Variants in STX6 observed in about 807,000 individuals in gnomAD.
STX6 encodes syntaxin-6.
In STX6, 23 loss-of-function variants were observed where a neutral mutation model predicts 38.0. That is an observed-to-expected ratio of 0.60 (90% CI 0.43 to 0.86). STX6 has a LOEUF of 0.86. STX6 is among the 40% of genes least tolerant of loss of function. The pLI, the probability that STX6 is intolerant of heterozygous loss-of-function variation, is 0.00. For synonymous variants in STX6, 123 were observed against 107.5 expected, an observed-to-expected ratio of 1.14 and a Z score of -0.89; for missense variants, 274 against 312.9, an observed-to-expected ratio of 0.88 and a Z score of 0.94.
Position 181,008,090 on chromosome 1 carries a change from T to C in STX6, c.36-2627A>G, listed in dbSNP as rs569362076. ...GACAATTGTGGATGTACTTTTTTGATAGTATACCAAAACTTGACAACTGGC... is the reference window on the plus strand; with the variant it reads ...GACAATTGTGGATGTACTTTTTTGACAGTATACCAAAACTTGACAACTGGC... On this transcript the variant is annotated intron_variant, in intron 1 of 7. Coordinates refer to ENST00000258301, the MANE Select transcript of STX6 (RefSeq NM_005819.6). Among the ~76,000 whole-genome samples, 6 of 152,358 alleles carry C rather than the reference T, an allele frequency of 3.9e-5. No homozygotes were observed. In the South Asian group the frequency reaches 1.0e-3, roughly 26 times the overall value.
At chr1:180,987,370 C>T (rs1161422916) in intron 6 of STX6, among the ~76,000 whole-genome samples, 1 of 152,254 alleles carries the variant, frequency 6.6e-6, no homozygotes, top group African/African-American at 2.4e-5. Flanking sequence ...CCTCCCACTT[C>T]ACTGCCATCA....
rs749300509 is a variant in STX6 at position 181,022,668 on chromosome 1, G to A, written c.6C>T (p.Ser2=). The change falls in exon 1 of 8, where the codon TCC becomes TCT. Residue 2 remains serine (S), a synonymous_variant. Transcript: ENST00000258301. The stretch of plus-strand genomic sequence containing the variant: ...TCACCACAAAGAAGGGGTCCTCCAT[G>A]GACATGGCGTCCCGGCCCCGGCCGC... M[S]MEDPFFVVKG... 1.9e-6 allele frequency: 3 copies of A among 1,609,800 alleles called. No individual in the cohort carries two copies. Among genetic ancestry groups the A allele is most frequent in the Admixed American group, 3.4e-5 (2 of 59,646 alleles).
intron 6 of STX6, among the ~76,000 whole-genome samples, chr1:180,987,186 G>C (rs934134478): frequency 1.3e-4 from 20 of 152,078 alleles, no homozygotes; most frequent in Non-Finnish European, 1.2e-4. Context: ...CTTCACAGGT[G>C]CATTTTCTTC....
chr1:181,003,449 C>G (rs1431179916), intron 2 of STX6, among the ~76,000 whole-genome samples: 1 of 152,012 alleles, frequency 6.6e-6, no homozygotes, highest in African/African-American at 2.4e-5. Context: ...TCTCTATCTC[C>G]CCTAACTTTT....
At position 180,989,976 on chromosome 1, in the gene STX6, T is replaced by TG; in HGVS notation, c.489+7dup. The TG allele has an allele frequency of 6.2e-7, 1 of 1,613,254 alleles. No individual in the cohort carries two copies. Among genetic ancestry groups the TG allele is most frequent in the South Asian group, 1.1e-5 (1 of 91,028 alleles). On this transcript the variant is annotated splice_region_variant and intron_variant, in intron 5 of 7. Transcript: ENST00000258301. ...TGGCCCGTCCTAAGTCTGGGGTCCT[T>TG]GGGGTACCTGCTGCTGTGCCTGCTG...
At chr1:180,989,835 C>T (rs1655700319) in intron 5 of STX6, 149 bp downstream of exon 5, 1 of 965,146 alleles carries the variant, frequency 1.0e-6, no homozygotes. Context: ...AAACCCTTTA[C>T]ATATGCAATT....
chr1:180,976,506 G>T lies in STX6; in HGVS notation c.*64C>A. 2 of 1,397,846 alleles carry T rather than the reference G, an allele frequency of 1.4e-6. No homozygotes were observed. Among genetic ancestry groups the T allele is most frequent in the Non-Finnish European group, 2.0e-6 (2 of 985,448 alleles). 86.6% of individuals were successfully genotyped at this position (1,397,846 alleles called of 1,614,324 possible). Reference sequence around the variant, plus strand: ...GTGAGTAGACGGCAATGTCACACGTGCTCAGCTTCTCCTCCTCCCCTCGGT... The same window carrying T: ...GTGAGTAGACGGCAATGTCACACGTTCTCAGCTTCTCCTCCTCCCCTCGGT... On this transcript the variant is annotated 3_prime_UTR_variant, in exon 8 of 8. Transcript: ENST00000258301.
Position 181,005,454 on chromosome 1 carries a change from C to CTG in STX6, c.43_44dup (p.Gln15HisfsTer37), listed in dbSNP as rs1334741495. ...ATCCCTGGGCAGTGTTGACTGCTTT[C>CTG]TGTACCTCTCTGTAATCAAGATGAG... On this transcript the variant is annotated frameshift_variant, in exon 2 of 8. Transcript: ENST00000258301. LOFTEE classifies it high-confidence loss of function. The CTG allele has an allele frequency of 6.2e-7, 1 of 1,612,476 alleles. No homozygotes were observed. Among genetic ancestry groups the CTG allele is most frequent in the Non-Finnish European group, 8.5e-7 (1 of 1,179,208 alleles).
At chr1:181,021,126 T>C (rs943701196) in intron 1 of STX6, among the ~76,000 whole-genome samples, 3 of 151,562 alleles carry the variant, frequency 2.0e-5, no homozygotes, top group African/African-American at 7.3e-5. Context: ...GAAAAAAAAA[T>C]GCCAAGACAG....
intron 1 of STX6, among the ~76,000 whole-genome samples, chr1:181,008,605 A>G (rs1656295308): frequency 6.6e-6 from 1 of 152,172 alleles, no homozygotes; most frequent in Non-Finnish European, 1.5e-5. Flanking sequence ...TCCAAATGCC[A>G]GCTCATTTCA....
intron 7 of STX6, among the ~76,000 whole-genome samples, chr1:180,978,190 C>T (rs1655306318): frequency 6.6e-6 from 1 of 152,218 alleles, no homozygotes; most frequent in Non-Finnish European, 1.5e-5. Flanking sequence ...GAAGTCATCA[C>T]TCTGTCGTAA....
intron 1 of STX6, 48 bp from the exon 2 acceptor site, chr1:181,005,511 T>C: frequency 6.3e-7 from 1 of 1,581,234 alleles, no homozygotes; most frequent in Non-Finnish European, 8.6e-7. Context: ...CAACATTCCA[T>C]GGTCAAGTTA....
At chr1:180,987,925 C>A (rs1655635625) in intron 6 of STX6, 1 of 191,372 alleles carries the variant, frequency 5.2e-6, no homozygotes, top group Admixed American at 5.7e-5. Flanking sequence ...CAAAAATTCC[C>A]ACAGGTTACA....
chr1:180,984,321 G>A (rs1454103472), intron 7 of STX6, among the ~76,000 whole-genome samples: 4 of 151,966 alleles, frequency 2.6e-5, no homozygotes, highest in East Asian at 1.9e-4. Context: ...TGACACGGGC[G>A]GATCACCTGA....
At position 180,976,665 on chromosome 1, in the gene STX6, G is replaced by C; in HGVS notation, c.692-19C>G. On this transcript the variant is annotated intron_variant, in intron 7 of 7. Coordinates refer to ENST00000258301, the MANE Select transcript of STX6 (RefSeq NM_005819.6). ...CGCCGATCTGGAAGGCAGGACATGG[G>C]GATTAGCTCTCACAGGGACTCCACA... is the stretch of plus-strand genomic sequence containing the variant. 2.5e-6 allele frequency: 4 copies of C among 1,610,900 alleles called. No homozygotes were observed. Among genetic ancestry groups the C allele is most frequent in the Non-Finnish European group, 2.5e-6 (3 of 1,178,452 alleles).
intron 7 of STX6, among the ~76,000 whole-genome samples, chr1:180,982,330 C>T (rs547996768): frequency 4.6e-5 from 7 of 152,214 alleles, no homozygotes; most frequent in African/African-American, 9.6e-5. Context: ...AGGAAGAGGT[C>T]CTTAGGGAGT....
chr1:180,981,109 T>G (rs1655402434), intron 7 of STX6, among the ~76,000 whole-genome samples: 1 of 152,198 alleles, frequency 6.6e-6, no homozygotes, highest in South Asian at 2.1e-4. Context: ...TACATGTCAT[T>G]TATACATTTG....
intron 7 of STX6, among the ~76,000 whole-genome samples, chr1:180,979,870 T>G (rs952891805): frequency 6.6e-6 from 1 of 152,134 alleles, no homozygotes; most frequent in Admixed American, 6.5e-5. Context: ...ACTAACAGCT[T>G]GATTTTAAAA....
chr1:181,009,983 C>T lies in STX6; in HGVS notation c.36-4520G>A, dbSNP rs113887156. The stretch of plus-strand genomic sequence containing the variant: ...GAAAAAAGCTAGATTCAGAAGGCCA[C>T]GTACTATACGATTTCACTGACATAA... On this transcript the variant is annotated intron_variant, in intron 1 of 7. Transcript: ENST00000258301. 4.1e-3 allele frequency among the ~76,000 whole-genome samples: 622 copies of T among 152,222 alleles called. 6 individuals carry two copies. Among genetic ancestry groups the T allele is most frequent in the African/African-American group, 0.014 (572 of 41,530 alleles).
Sources: allele counts gnomAD v4.1 joint callset (sites outside exome capture counted in the v4.1 genomes callset), GRCh38; gene constraint gnomAD v4.1.1; transcripts MANE v1.5; gene names NCBI Gene and HGNC (gene_info 2026-07-23, HGNC 2026-07-21).